ALG12: variants seen among roughly 807,000 people sequenced by gnomAD.
The protein encoded by ALG12 is dol-P-Man:Man(7)GlcNAc(2)-PP-Dol alpha-1,6-mannosyltransferase.
Under a neutral mutation model 46.0 loss-of-function variants are expected in ALG12, and 36 were observed. The ratio of observed to expected loss-of-function variants is 0.78; its 90% confidence interval spans 0.60 to 1.03. The LOEUF (loss-of-function observed/expected upper bound fraction) is 1.03. ALG12 is among the 50% of genes least tolerant of loss of function. The probability of loss-of-function intolerance (pLI) is 0.00; values close to 1 mark genes in which losing one functional copy is unlikely to be tolerated. For synonymous variants in ALG12, 326 were observed against 291.6 expected, an observed-to-expected ratio of 1.12 and a Z score of -1.20; for missense variants, 599 against 633.5, an observed-to-expected ratio of 0.95 and a Z score of 0.58.
chr22:49,896,714 C>A (rs570977919), downstream of ALG12, among the ~76,000 whole-genome samples: 1 of 152,210 alleles, frequency 6.6e-6, no homozygotes, highest in East Asian at 1.9e-4. Context: ...CAGCTCACTG[C>A]AACCTCCGCC....
At chr22:49,864,542 C>A in the ALG12 span, among the ~76,000 whole-genome samples, 1 of 152,150 alleles carries the variant, frequency 6.6e-6, no homozygotes, top group South Asian at 2.1e-4. Flanking sequence ...GGAGCCTGGG[C>A]ATGGTGGCTT....
At chr22:49,887,707 A>G in the ALG12 span, 1 of 167,510 alleles carries the variant, frequency 6.0e-6, no homozygotes, top group Admixed American at 6.5e-5. Flanking sequence ...CGGAGTACAG[A>G]TAATATTCTG....
chr22:49,897,729 G>T, downstream of ALG12, among the ~76,000 whole-genome samples: 1 of 141,954 alleles, frequency 7.0e-6, no homozygotes, highest in Non-Finnish European at 1.5e-5. Flanking sequence ...GTGCTGTGGT[G>T]CAGTCTTGGC....
At chr22:49,890,669 T>G in the ALG12 span, among the ~76,000 whole-genome samples, 1 of 152,206 alleles carries the variant, frequency 6.6e-6, no homozygotes, top group Non-Finnish European at 1.5e-5. Context: ...GAGGCTTTCC[T>G]GGGTGTGTTT....
rs755033821 is a variant in ALG12, at chr22:49,904,186, C to T, written c.1231G>A (p.Ala411Thr). Residue 411 changes from alanine (A) to threonine (T), a missense_variant, in exon 9 of 10, where the codon GCC becomes ACC. Physicochemically the swap from Ala to Thr is moderately conservative, Grantham distance 58 (BLOSUM62 0). Transcript: ENST00000330817. ...GVSRFLQVNS[A>T]WRYDKREDVQ... is the part of the protein sequence containing the mutation. ...GCTGTGTGTGGATCCTACCTCCAGG[C>T]GCTGTTGACTTGGAGAAACCGAGAC... is the stretch of plus-strand genomic sequence containing the variant. 5.5e-5 allele frequency: 89 copies of T among 1,614,100 alleles called. No individual in the cohort carries two copies. Among genetic ancestry groups the T allele is most frequent in the Admixed American group, 8.3e-5 (5 of 60,010 alleles).
chr22:49,902,945 GTA>G lies in ALG12; in HGVS notation c.*891_*892del, dbSNP rs1037093052. On this transcript the variant is annotated 3_prime_UTR_variant, in exon 10 of 10. Transcript: ENST00000330817. ...TGCACGTGTGCACGGTGTGTGGTGT[GTA>G]TGCATGGTGTGTGCACGTGTGCACT... 1.1e-4 allele frequency: 32 copies of G among 290,662 alleles called. No individual in the cohort carries two copies. Among genetic ancestry groups the G allele is most frequent in the East Asian group, 6.0e-4 (5 of 8,306 alleles). 18.0% of individuals were successfully genotyped at this position (290,662 alleles called of 1,614,324 possible).
downstream of ALG12, among the ~76,000 whole-genome samples, chr22:49,897,051 A>G (rs141988553): frequency 2.4e-3 from 358 of 152,056 alleles, 1 homozygote; most frequent in African/African-American, 8.3e-3. Flanking sequence ...TTTTGTCTCC[A>G]TAATTTTTCC....
At chr22:49,876,913 T>C in the ALG12 span, among the ~76,000 whole-genome samples, 1 of 152,226 alleles carries the variant, frequency 6.6e-6, no homozygotes, top group African/African-American at 2.4e-5. Context: ...TCGTTCCCAG[T>C]TGCTGGCCAA....
rs1217498311 is a variant in ALG12 at position 49,905,701 on chromosome 22, A to G, written c.993-1195T>C. On this transcript the variant is annotated intron_variant, in intron 7 of 9. Transcript: ENST00000330817. This position sits in a 1 kb window ranked among gnomAD's most constrained non-coding sequence, Gnocchi z 4.9. Reference sequence around the variant, plus strand: ...GACACCAGTACCACGCTTCCCGTACAGCCTGCGGAACCGCGAGCCAATGAA... The same window carrying G: ...GACACCAGTACCACGCTTCCCGTACGGCCTGCGGAACCGCGAGCCAATGAA... Among the ~76,000 whole-genome samples the G allele has an allele frequency of 6.6e-6, 1 of 152,224 alleles. No individual in the cohort carries two copies. Among genetic ancestry groups the G allele is most frequent in the African/African-American group, 2.4e-5 (1 of 41,464 alleles).
Position 49,910,047 on chromosome 22 carries a change from G to C in ALG12, c.511C>G (p.Arg171Gly), listed in dbSNP as rs758304764. ...GCGAAGGCTGACAGCCAGATGAAGC[G>C]GGCCCACTCGTGCCGCAGCCAGGCC... is the stretch of plus-strand genomic sequence containing the variant. ...LAAWLRHEWA[R>G]FIWLSAFAII... is the part of the protein sequence containing the mutation. The change falls in exon 5 of 10, where the codon CGC becomes GGC. Residue 171 changes from arginine (R) to glycine (G), a missense_variant. Coordinates refer to ENST00000330817, the MANE Select transcript of ALG12 (RefSeq NM_024105.4). 6.2e-7 allele frequency: 1 copy of C among 1,612,784 alleles called. No individual in the cohort carries two copies. The highest frequency in any genetic ancestry group is 1.1e-5 in the South Asian group (1 of 90,974).
chr22:49,860,389 T>C, the ALG12 span, among the ~76,000 whole-genome samples: 2 of 152,240 alleles, frequency 1.3e-5, no homozygotes, highest in Non-Finnish European at 2.9e-5. Context: ...TGAAAAATCT[T>C]AATAATATCA....
the ALG12 span, among the ~76,000 whole-genome samples, chr22:49,868,990 G>A: frequency 6.6e-6 from 1 of 151,800 alleles, no homozygotes; most frequent in African/African-American, 2.4e-5. Context: ...TGGGTGTGAT[G>A]GTGTATGCCT....
the ALG12 span, chr22:49,884,079 T>C: frequency 3.1e-6 from 5 of 1,611,414 alleles, no homozygotes; most frequent in Non-Finnish European, 4.2e-6. Context: ...GCATGTACTG[T>C]GTGAAGGAGT....
In ALG12 at chr22:49,910,485, G is replaced by T; in HGVS notation, c.418C>A (p.Leu140Met). 6.2e-7 allele frequency: 1 copy of T among 1,613,930 alleles called. No homozygotes were observed. Among genetic ancestry groups the T allele is most frequent in the Non-Finnish European group, 8.5e-7 (1 of 1,180,024 alleles). The change falls in exon 4 of 10, where the codon CTG becomes ATG. Residue 140 changes from leucine to methionine, a missense_variant. Transcript: ENST00000330817. ...AGTGTCCGCGTGCAGTAGAACATCA[G>T]GTGGAACTGCATGGCCGTCACCCAG... is the stretch of plus-strand genomic sequence containing the variant. ...FCWVTAMQFH[L>M]MFYCTRTLPN...
rs1462391282 is a variant in ALG12, at chr22:49,906,872, G to A, written c.992+849C>T. On this transcript the variant is annotated intron_variant, in intron 7 of 9. Transcript: ENST00000330817. This position sits in a 1 kb window ranked among gnomAD's most constrained non-coding sequence, Gnocchi z 4.4. The stretch of plus-strand genomic sequence containing the variant: ...CCCGGGTCCTTCCCCAGCACCCACA[G>A]GGCCCGGCAGTGATGGACTCTCCTG... Among the ~76,000 whole-genome samples the A allele has an allele frequency of 1.3e-5, 2 of 152,104 alleles. No homozygotes were observed. Among genetic ancestry groups the A allele is most frequent in the African/African-American group, 4.8e-5 (2 of 41,408 alleles).
Position 49,913,818 on chromosome 22 carries a change from C to G in ALG12, c.-53G>C. On this transcript the variant is annotated 5_prime_UTR_variant, in exon 2 of 10. Coordinates refer to ENST00000330817, the MANE Select transcript of ALG12 (RefSeq NM_024105.4). ...ACAGGCCAACAGTGCGAGACACCAG[C>G]CGTTAGCACTGCCACTCCACGCATG... 4.4e-6 allele frequency: 7 copies of G among 1,606,424 alleles called. No individual in the cohort carries two copies. Among genetic ancestry groups the G allele is most frequent in the Non-Finnish European group, 5.9e-6 (7 of 1,177,194 alleles).
chr22:49,876,325 T>G, the ALG12 span, among the ~76,000 whole-genome samples: 2 of 152,196 alleles, frequency 1.3e-5, no homozygotes, highest in Admixed American at 6.5e-5. Context: ...CTTCCGTGTC[T>G]TTACTGATTT....
At chr22:49,907,302 C>G (rs1010552211) in intron 7 of ALG12, among the ~76,000 whole-genome samples, 1 of 152,186 alleles carries the variant, frequency 6.6e-6, no homozygotes, top group Non-Finnish European at 1.5e-5. Context: ...AGACTGGGAC[C>G]GCTGGTGCAT....
the ALG12 span, chr22:49,885,560 C>T: frequency 6.2e-7 from 1 of 1,603,410 alleles, no homozygotes; most frequent in South Asian, 1.1e-5. Flanking sequence ...CCGCGGGGCA[C>T]AGAATTATCA....
Sources: gnomAD v4.1 joint callset for allele counts (sites outside exome capture counted in the v4.1 genomes callset) on GRCh38, gnomAD v4.1.1 for gene constraint, Gnocchi (gnomAD v3.1) non-coding constraint, MANE v1.5 for transcripts, NCBI Gene and HGNC (gene_info 2026-07-23, HGNC 2026-07-21) for gene names.